Variants in ZMAT4 observed in about 807,000 individuals in gnomAD.
ZMAT4 encodes zinc finger matrin-type protein 4.
ZMAT4 carries 17 observed loss-of-function variants against 28.7 expected under a neutral mutation model. The ratio of observed to expected loss-of-function variants is 0.59; its 90% confidence interval spans 0.41 to 0.89. The LOEUF is 0.89. ZMAT4 is among the 40% of genes least tolerant of loss of function. The probability of loss-of-function intolerance (pLI) is 0.00; values close to 1 mark genes in which losing one functional copy is unlikely to be tolerated. For synonymous variants in ZMAT4, 117 were observed against 109.2 expected (o/e 1.07, Z -0.44); for missense variants, 240 against 283.8 (o/e 0.85, Z 1.11).
At chr8:40,752,299 G>A (rs1316573222) in intron 3 of ZMAT4, among the ~76,000 whole-genome samples, 1 of 152,118 alleles carries the variant, frequency 6.6e-6, no homozygotes, top group Non-Finnish European at 1.5e-5. Context: ...CTCTGCCACT[G>A]GGCTTGCCCT....
chr8:40,848,861 T>C (rs1404209456), intron 1 of ZMAT4, among the ~76,000 whole-genome samples: 3 of 152,186 alleles, frequency 2.0e-5, no homozygotes, highest in Non-Finnish European at 4.4e-5. Flanking sequence ...CAAAAATCCG[T>C]CCATTGTGGT....
chr8:40,757,715 T>C (rs981475041), intron 3 of ZMAT4, among the ~76,000 whole-genome samples: 1 of 152,170 alleles, frequency 6.6e-6, no homozygotes, highest in Admixed American at 6.5e-5. Flanking sequence ...ATGAATTACC[T>C]CTTGCGATGG....
At chr8:40,856,493 T>TA (rs1339110061) in intron 1 of ZMAT4, among the ~76,000 whole-genome samples, 2 of 152,080 alleles carry the variant, frequency 1.3e-5, no homozygotes, top group East Asian at 3.9e-4. Context: ...TAAATGGAGC[T>TA]AATGTGAGAA....
chr8:40,556,776 A>G (rs576582916), intron 6 of ZMAT4, among the ~76,000 whole-genome samples: 8 of 152,330 alleles, frequency 5.3e-5, no homozygotes, highest in African/African-American at 1.9e-4. Flanking sequence ...TGTAATGATC[A>G]GGTCAGAGTA....
intron 1 of ZMAT4, among the ~76,000 whole-genome samples, chr8:40,850,462 G>A (rs1206502693): frequency 1.3e-5 from 2 of 152,156 alleles, no homozygotes; most frequent in Non-Finnish European, 2.9e-5. Flanking sequence ...GCGGATCACT[G>A]CAGACAGTCA....
At chr8:40,540,663 C>G (rs370888571) in intron 6 of ZMAT4, among the ~76,000 whole-genome samples, 1 of 152,202 alleles carries the variant, frequency 6.6e-6, no homozygotes, top group Non-Finnish European at 1.5e-5. Flanking sequence ...GTCAGAAGTG[C>G]AGGCATCCTG....
At chr8:40,834,542 A>C (rs1207654196) in intron 1 of ZMAT4, among the ~76,000 whole-genome samples, 1 of 152,152 alleles carries the variant, frequency 6.6e-6, no homozygotes, top group Non-Finnish European at 1.5e-5. Context: ...ATTTTTACTG[A>C]GCATTTACTA....
chr8:40,653,983 C>A (rs116294888), intron 5 of ZMAT4, among the ~76,000 whole-genome samples: 205 of 152,252 alleles, frequency 1.3e-3, no homozygotes, highest in African/African-American at 4.7e-3. Flanking sequence ...TCCTTCATAG[C>A]AGGCTGAGAT....
chr8:40,887,568 A>AAT (rs1046373772), intron 1 of ZMAT4, among the ~76,000 whole-genome samples: 1 of 152,150 alleles, frequency 6.6e-6, no homozygotes, highest in African/African-American at 2.4e-5. Flanking sequence ...ACAAAAAAAA[A>AAT]GTTTAAAGAA....
At chr8:40,716,111 C>T (rs1197068356) in intron 3 of ZMAT4, among the ~76,000 whole-genome samples, 2 of 152,180 alleles carry the variant, frequency 1.3e-5, no homozygotes, top group Non-Finnish European at 1.5e-5. Flanking sequence ...AAAGATATAA[C>T]TTTAATGGAG....
chr8:40,600,598 G>A (rs558695019), intron 5 of ZMAT4, among the ~76,000 whole-genome samples: 32 of 152,268 alleles, frequency 2.1e-4, no homozygotes, highest in African/African-American at 7.5e-4. Flanking sequence ...TATGCCCCAG[G>A]ACAGAGCAGT....
chr8:40,763,285 C>G (rs1176582648), intron 3 of ZMAT4, among the ~76,000 whole-genome samples: 1 of 152,180 alleles, frequency 6.6e-6, no homozygotes, highest in Non-Finnish European at 1.5e-5. Flanking sequence ...AGCTAGTTTA[C>G]AGTATCAGAG....
chr8:40,881,613 G>GA, intron 1 of ZMAT4, among the ~76,000 whole-genome samples: 1 of 146,198 alleles, frequency 6.8e-6, no homozygotes, highest in Non-Finnish European at 1.5e-5. Flanking sequence ...GAAAAGAAAA[G>GA]AGAGAGAGAA....
At chr8:40,729,274 G>A (rs1051551915) in intron 3 of ZMAT4, among the ~76,000 whole-genome samples, 1 of 152,142 alleles carries the variant, frequency 6.6e-6, no homozygotes, top group Non-Finnish European at 1.5e-5. Context: ...AAATCTTTTG[G>A]AGGACAGTTA....
intron 2 of ZMAT4, among the ~76,000 whole-genome samples, chr8:40,776,678 G>C (rs542876501): frequency 6.6e-6 from 1 of 152,246 alleles, no homozygotes; most frequent in East Asian, 1.9e-4. Context: ...AGGGATAAGA[G>C]AAAAAATAAA....
chr8:40,707,812 T>C (rs542361599), intron 3 of ZMAT4, among the ~76,000 whole-genome samples: 2 of 152,216 alleles, frequency 1.3e-5, no homozygotes, highest in African/African-American at 4.8e-5. Context: ...CTTTTCCTAT[T>C]ATATGTCTTG....
At chr8:40,695,663 C>A (rs1177310682) in intron 4 of ZMAT4, among the ~76,000 whole-genome samples, 1 of 151,214 alleles carries the variant, frequency 6.6e-6, no homozygotes, top group Admixed American at 6.6e-5. Context: ...CACTCGAGTT[C>A]TATTTCCCAG....
intron 5 of ZMAT4, among the ~76,000 whole-genome samples, chr8:40,672,621 A>T (rs957035479): frequency 6.6e-6 from 1 of 152,212 alleles, no homozygotes; most frequent in Admixed American, 6.5e-5. Flanking sequence ...TAAAAGATAC[A>T]GCACTGATAA....
intron 1 of ZMAT4, among the ~76,000 whole-genome samples, chr8:40,874,709 T>G (rs1236526172): frequency 1.3e-5 from 2 of 152,262 alleles, no homozygotes; most frequent in Non-Finnish European, 2.9e-5. Flanking sequence ...GTTACACTTT[T>G]GCACCTGGAT....
Sources: allele counts gnomAD v4.1 joint callset (sites outside exome capture counted in the v4.1 genomes callset), GRCh38; gene constraint gnomAD v4.1.1; transcripts MANE v1.5; gene names NCBI Gene and HGNC (gene_info 2026-07-23, HGNC 2026-07-21).